Variants in CPNE8 observed in about 807,000 individuals in gnomAD.
CPNE8 encodes copine-8.
Under a neutral mutation model 81.5 loss-of-function variants are expected in CPNE8, and 45 were observed. The observed-to-expected ratio is 0.55, with a 90% CI of 0.44 to 0.71. The LOEUF is 0.71. CPNE8 is among the 30% of genes least tolerant of loss of function. CPNE8 has a pLI of 0.00. For synonymous variants in CPNE8, 252 were observed against 226.3 expected, an observed-to-expected ratio of 1.11 and a Z score of -1.02; for missense variants, 594 against 672.1, an observed-to-expected ratio of 0.88 and a Z score of 1.28.
intron 6 of CPNE8, among the ~76,000 whole-genome samples, chr12:38,806,423 C>A (rs1228302223): frequency 6.7e-6 from 1 of 149,328 alleles, no homozygotes; most frequent in East Asian, 2.3e-4. Context: ...TGGGCTTCAT[C>A]CCTGGGATGC....
rs184456306 is a variant in CPNE8, at chr12:38,879,487, A to G, written c.99-4976T>C. Among the ~76,000 whole-genome samples the G allele has an allele frequency of 1.4e-3, 213 of 152,258 alleles. 1 individual carries two copies. The highest frequency in any genetic ancestry group is 4.8e-3 in the African/African-American group (201 of 41,550). ...GCTAAGTATTTTGTCTATTATATTTATATGTATTAAGGATTTAATAGTAGA... is the reference window on the plus strand; with the variant it reads ...GCTAAGTATTTTGTCTATTATATTTGTATGTATTAAGGATTTAATAGTAGA... On this transcript the variant is annotated intron_variant, in intron 1 of 19. Transcript: ENST00000331366.
intron 14 of CPNE8, among the ~76,000 whole-genome samples, chr12:38,699,598 C>A (rs1265774421): frequency 3.9e-5 from 6 of 152,046 alleles, no homozygotes; most frequent in Non-Finnish European, 7.4e-5. Context: ...TCCTTTCCCT[C>A]ATTCTTACCT....
intron 11 of CPNE8, among the ~76,000 whole-genome samples, chr12:38,725,968 C>T (rs943518413): frequency 1.3e-5 from 2 of 152,072 alleles, no homozygotes; most frequent in East Asian, 1.9e-4. Flanking sequence ...AGGATGGTTT[C>T]GGGATGATAC....
Position 38,762,149 on chromosome 12 carries a change from TC to T in CPNE8, c.642del (p.Ile215SerfsTer17). On this transcript the variant is annotated frameshift_variant, in exon 9 of 20. Coordinates refer to ENST00000331366, the MANE Select transcript of CPNE8 (RefSeq NM_153634.3). LOFTEE classifies it high-confidence loss of function. ...NTLNPVWQAF[K>X]ISVRALCNGD... ...CCATTACATAATGCTCTGACTGAGA[TC>T]TTGAATGCTTGCCATACTGGATTTA... 6.2e-7 allele frequency: 1 copy of T among 1,602,742 alleles called. No individual in the cohort carries two copies. The highest frequency in any genetic ancestry group is 8.5e-7 in the Non-Finnish European group (1 of 1,173,708).
At chr12:38,760,123 T>A (rs977313016) in intron 10 of CPNE8, among the ~76,000 whole-genome samples, 2 of 152,166 alleles carry the variant, frequency 1.3e-5, no homozygotes, top group African/African-American at 4.8e-5. Context: ...CTTTCCCATT[T>A]ATCATTCTCC....
chr12:38,796,843 T>G (rs532042779), intron 6 of CPNE8, among the ~76,000 whole-genome samples: 9 of 152,148 alleles, frequency 5.9e-5, no homozygotes, highest in Non-Finnish European at 1.2e-4. Context: ...ACTCCCACCC[T>G]AATACTGCGC....
At chr12:38,782,688 G>T (rs1405495696) in intron 6 of CPNE8, among the ~76,000 whole-genome samples, 4 of 147,528 alleles carry the variant, frequency 2.7e-5, no homozygotes, top group East Asian at 4.0e-4. Context: ...TTTTTGTTTT[G>T]TTTTTTTTTT....
chr12:38,738,959 G>A (rs1189990523), intron 10 of CPNE8, among the ~76,000 whole-genome samples: 2 of 151,828 alleles, frequency 1.3e-5, no homozygotes, highest in South Asian at 2.1e-4. Context: ...GACCACAAGT[G>A]CATACCACCA....
chr12:38,669,683 C>T (rs1939131614), intron 19 of CPNE8, among the ~76,000 whole-genome samples: 1 of 152,120 alleles, frequency 6.6e-6, no homozygotes, highest in African/African-American at 2.4e-5. Context: ...GACAGTAAAA[C>T]ACAGATAAGA....
chr12:38,897,984 C>T (rs1160850807), intron 1 of CPNE8, among the ~76,000 whole-genome samples: 1 of 152,106 alleles, frequency 6.6e-6, no homozygotes, highest in African/African-American at 2.4e-5. Flanking sequence ...AGCCCTACAC[C>T]CACGTTCTTC....
At chr12:38,887,392 A>G (rs1252234227) in intron 1 of CPNE8, among the ~76,000 whole-genome samples, 1 of 152,178 alleles carries the variant, frequency 6.6e-6, no homozygotes. Context: ...GTCATTGTAA[A>G]ATAAATATGA....
chr12:38,705,135 T>G (rs568592892), intron 13 of CPNE8, among the ~76,000 whole-genome samples: 1 of 152,066 alleles, frequency 6.6e-6, no homozygotes, highest in South Asian at 2.1e-4. Context: ...GTAAATCATC[T>G]GAAAACATGA....
At chr12:38,775,308 G>T (rs1353837041) in intron 7 of CPNE8, among the ~76,000 whole-genome samples, 2 of 152,076 alleles carry the variant, frequency 1.3e-5, no homozygotes, top group Admixed American at 6.5e-5. Context: ...TGTAAATAAA[G>T]CTACAGAATT....
chr12:38,667,280 CA>C (rs1277331757), intron 19 of CPNE8, among the ~76,000 whole-genome samples: 1 of 152,046 alleles, frequency 6.6e-6, no homozygotes, highest in East Asian at 1.9e-4. Context: ...ATTTTCTGAC[CA>C]GGGGAAGATT....
intron 10 of CPNE8, among the ~76,000 whole-genome samples, chr12:38,744,885 C>T (rs1486352): frequency 0.81 from 122,667 of 152,116 alleles, 52,427 homozygotes; most frequent in Middle Eastern, 0.97. Context: ...TTTTTCTTAC[C>T]TTTCCTACCA....
At chr12:38,883,973 C>G (rs552596948) in intron 1 of CPNE8, among the ~76,000 whole-genome samples, 9 of 152,296 alleles carry the variant, frequency 5.9e-5, no homozygotes, top group African/African-American at 2.2e-4. Context: ...CATGTATCTC[C>G]CGTTCACTTG....
intron 19 of CPNE8, 125 bp from the exon 20 acceptor site, chr12:38,654,195 T>C: frequency 8.1e-7 from 1 of 1,232,644 alleles, no homozygotes; most frequent in Non-Finnish European, 1.1e-6. Flanking sequence ...AATGGAGAGA[T>C]GGATAACAAT....
intron 19 of CPNE8, among the ~76,000 whole-genome samples, chr12:38,658,552 C>T (rs1281382693): frequency 6.6e-6 from 1 of 152,002 alleles, no homozygotes; most frequent in Non-Finnish European, 1.5e-5. Context: ...ACAGAGAACA[C>T]CAAAAGGTAC....
intron 6 of CPNE8, among the ~76,000 whole-genome samples, chr12:38,823,870 A>G (rs922084675): frequency 6.6e-6 from 1 of 152,204 alleles, no homozygotes; most frequent in South Asian, 2.1e-4. Flanking sequence ...AATTGGATAC[A>G]ATCTCACAGC....
Sources: gnomAD v4.1 joint callset for allele counts (sites outside exome capture counted in the v4.1 genomes callset) on GRCh38, gnomAD v4.1.1 for gene constraint, MANE v1.5 for transcripts, NCBI Gene and HGNC (gene_info 2026-07-23, HGNC 2026-07-21) for gene names.